CTNNA3: variants seen among roughly 807,000 people sequenced by gnomAD.
CTNNA3 encodes catenin alpha 3.
In CTNNA3, 76 loss-of-function variants were observed where a neutral mutation model predicts 95.7. The observed-to-expected ratio is 0.79, with a 90% CI of 0.66 to 0.96. The LOEUF is 0.96. CTNNA3 is among the 40% of genes least tolerant of loss of function. CTNNA3 has a pLI of 0.00. For missense variants in CTNNA3, 1,191 were observed against 1,089.8 expected (o/e 1.09, Z -1.31); for synonymous variants, 431 against 374.4 (o/e 1.15, Z -1.74).
intron 12 of CTNNA3, among the ~76,000 whole-genome samples, chr10:66,373,599 G>GT (rs1438943396): frequency 1.5e-3 from 14 of 9,618 alleles, no homozygotes; most frequent in Non-Finnish European, 3.3e-3. Flanking sequence ...CTCTAATTGT[G>GT]TTAAAAAAAA....
chr10:67,655,610 C>T (rs1407846669), intron 1 of CTNNA3, among the ~76,000 whole-genome samples: 1 of 152,092 alleles, frequency 6.6e-6, no homozygotes, highest in East Asian at 1.9e-4. Context: ...GCCTGGCCAA[C>T]ATGGTGAAAC....
chr10:67,488,906 T>C (rs1848551299), intron 5 of CTNNA3, among the ~76,000 whole-genome samples: 1 of 152,066 alleles, frequency 6.6e-6, no homozygotes, highest in Admixed American at 6.5e-5. Flanking sequence ...TGGCTAATTC[T>C]TGTATTTTTA....
chr10:66,600,561 A>T (rs1310385572), intron 10 of CTNNA3, among the ~76,000 whole-genome samples: 1 of 151,826 alleles, frequency 6.6e-6, no homozygotes, highest in Non-Finnish European at 1.5e-5. Flanking sequence ...CTGTTAAGTA[A>T]ATAAGGATGT....
chr10:67,612,959 C>T (rs1010828665), intron 2 of CTNNA3, among the ~76,000 whole-genome samples: 4 of 152,204 alleles, frequency 2.6e-5, no homozygotes, highest in South Asian at 2.1e-4. Flanking sequence ...GCCCTACATT[C>T]CCACTAGAGC....
At chr10:67,182,102 A>G (rs1862580702) in intron 6 of CTNNA3, among the ~76,000 whole-genome samples, 1 of 152,196 alleles carries the variant, frequency 6.6e-6, no homozygotes, top group South Asian at 2.1e-4. Flanking sequence ...TATCGTGAAA[A>G]TGGCCATACT....
chr10:66,673,970 C>G, intron 9 of CTNNA3, among the ~76,000 whole-genome samples: 1 of 151,852 alleles, frequency 6.6e-6, no homozygotes, highest in East Asian at 1.9e-4. Flanking sequence ...ACAATAATAT[C>G]TAGATGTGAG....
intron 7 of CTNNA3, among the ~76,000 whole-genome samples, chr10:66,846,917 T>C (rs139445867): frequency 6.0e-4 from 91 of 152,336 alleles, no homozygotes; most frequent in African/African-American, 2.0e-3. Flanking sequence ...CAGTTTACAA[T>C]AAGCAGTAGT....
chr10:67,419,316 A>G (rs1283330913), intron 5 of CTNNA3, among the ~76,000 whole-genome samples: 1 of 151,876 alleles, frequency 6.6e-6, no homozygotes, highest in Non-Finnish European at 1.5e-5. Flanking sequence ...TCTTAAAACC[A>G]AAAGGATATT....
intron 12 of CTNNA3, among the ~76,000 whole-genome samples, chr10:66,304,130 C>A (rs773386134): frequency 6.6e-5 from 10 of 151,930 alleles, no homozygotes; most frequent in Non-Finnish European, 5.9e-5. Flanking sequence ...AGAGATAGGA[C>A]AAACATATTG....
At chr10:66,231,832 G>A (rs1281839803) in intron 13 of CTNNA3, among the ~76,000 whole-genome samples, 1 of 152,106 alleles carries the variant, frequency 6.6e-6, no homozygotes, top group Non-Finnish European at 1.5e-5. Context: ...AAAGCTGACA[G>A]TTTCACAATT....
intron 7 of CTNNA3, among the ~76,000 whole-genome samples, chr10:67,170,857 G>A (rs1396482797): frequency 6.6e-6 from 1 of 152,172 alleles, no homozygotes; most frequent in Non-Finnish European, 1.5e-5. Flanking sequence ...CTGGCCACAT[G>A]TCGCTATTGA....
intron 11 of CTNNA3, among the ~76,000 whole-genome samples, chr10:66,426,931 G>T (rs7911158): frequency 6.6e-5 from 10 of 151,142 alleles, no homozygotes; most frequent in African/African-American, 2.2e-4. Flanking sequence ...TTCTCTTTGT[G>T]CTATATATTT....
chr10:66,853,870 C>T (rs762436371), intron 7 of CTNNA3, among the ~76,000 whole-genome samples: 8 of 152,034 alleles, frequency 5.3e-5, no homozygotes, highest in Non-Finnish European at 1.2e-4. Context: ...ATTAGTGTTC[C>T]CTTAATGATT....
At chr10:67,279,023 G>A (rs769494280) in intron 5 of CTNNA3, among the ~76,000 whole-genome samples, 14 of 152,208 alleles carry the variant, frequency 9.2e-5, no homozygotes, top group South Asian at 6.2e-4. Context: ...TGCTTTAGGC[G>A]TGGGTAAATT....
chr10:65,933,506 T>C (rs1160703473), intron 17 of CTNNA3, among the ~76,000 whole-genome samples: 1 of 152,124 alleles, frequency 6.6e-6, no homozygotes, highest in African/African-American at 2.4e-5. Context: ...GGCCTACTCA[T>C]AAGAAATGTG....
At chr10:66,054,515 G>A (rs896085070) in intron 15 of CTNNA3, among the ~76,000 whole-genome samples, 1 of 152,116 alleles carries the variant, frequency 6.6e-6, no homozygotes, top group Non-Finnish European at 1.5e-5. Flanking sequence ...TTTGCCATTT[G>A]TATGTATCCT....
At position 66,793,183 on chromosome 10, in the gene CTNNA3, T is replaced by C. The variant is rs189808612; in HGVS notation, c.1048-17659A>G. On this transcript the variant is annotated intron_variant, in intron 7 of 17. Coordinates refer to ENST00000433211, the MANE Select transcript of CTNNA3 (RefSeq NM_013266.4). Reference sequence around the variant, plus strand: ...GTTTTAAGACAGAGTCTTCACTCTGTCACCCAGACTGGAGTGCAATGATCA... The same window carrying C: ...GTTTTAAGACAGAGTCTTCACTCTGCCACCCAGACTGGAGTGCAATGATCA... Among the ~76,000 whole-genome samples the C allele has an allele frequency of 3.0e-3, 459 of 152,224 alleles. 7 individuals are homozygous for C. The highest frequency in any genetic ancestry group is 9.9e-4 in the Non-Finnish European group (67 of 68,012).
chr10:66,817,535 A>G (rs939931754), intron 7 of CTNNA3, among the ~76,000 whole-genome samples: 8 of 152,026 alleles, frequency 5.3e-5, no homozygotes, highest in African/African-American at 1.9e-4. Context: ...AATAGTATGA[A>G]CAACTACATG....
At chr10:66,762,086 C>G (rs1041184716) in intron 9 of CTNNA3, among the ~76,000 whole-genome samples, 1 of 152,102 alleles carries the variant, frequency 6.6e-6, no homozygotes, top group Non-Finnish European at 1.5e-5. Flanking sequence ...AGAGGAGCCT[C>G]AAAGCAATAA....
Sources: gnomAD v4.1 joint callset for allele counts (sites outside exome capture counted in the v4.1 genomes callset) on GRCh38, gnomAD v4.1.1 for gene constraint, MANE v1.5 for transcripts, NCBI Gene and HGNC (gene_info 2026-07-23, HGNC 2026-07-21) for gene names.